ADAMTS9: variants seen among roughly 807,000 people sequenced by gnomAD.
ADAMTS9 encodes ADAM metallopeptidase with thrombospondin type 1 motif 9, also known as A disintegrin and metalloproteinase with thrombospondin motifs 9.
ADAMTS9 carries 107 observed loss-of-function variants against 257.1 expected under a neutral mutation model. That is an observed-to-expected ratio of 0.42 (90% CI 0.36 to 0.49). ADAMTS9 has a LOEUF of 0.49. Among genes scored for constraint, ADAMTS9 ranks in the 20% least tolerant of loss-of-function variants. The pLI is 0.03. For missense variants in ADAMTS9, 2,353 were observed against 2,469.1 expected (o/e 0.95, Z 1.00); for synonymous variants, 982 against 880.9 (o/e 1.11, Z -2.03).
chr3:64,522,466 G>T, intron 38 of ADAMTS9: 1 of 430,344 alleles, frequency 2.3e-6, no homozygotes, highest in South Asian at 6.0e-5. Context: ...TTTCTGTATG[G>T]CTTGCAAGCT....
chr3:64,550,137 TATAATCATGCTATG>T (rs1426920326), intron 31 of ADAMTS9: 3 of 152,190 alleles, frequency 2.0e-5, no homozygotes, highest in Non-Finnish European at 4.4e-5. Flanking sequence ...TTGAAAATAA[TATAATCATGCTATG>T]ATTACTACTG....
At chr3:64,608,807 C>A (rs4688488) in intron 22 of ADAMTS9, among the ~76,000 whole-genome samples, 42,644 of 151,234 alleles carry the variant, frequency 0.28, 7,989 homozygotes, top group East Asian at 0.55. Flanking sequence ...ATTACCCTAA[C>A]ACCATAGCCG....
At chr3:64,621,068 ACT>A (rs748773487) in intron 19 of ADAMTS9, 44 bp downstream of exon 19, 8 of 1,554,544 alleles carry the variant, frequency 5.1e-6, no homozygotes, top group Non-Finnish European at 7.0e-6. Flanking sequence ...CTCCTGCAAG[ACT>A]CTCACAATTC....
chr3:64,607,711 T>G (rs1362239278), intron 22 of ADAMTS9, among the ~76,000 whole-genome samples: 1 of 152,148 alleles, frequency 6.6e-6, no homozygotes, highest in Non-Finnish European at 1.5e-5. Context: ...ACTGTTAAGC[T>G]GGCAAAAACT....
At chr3:64,567,123 T>G (rs995595824) in intron 29 of ADAMTS9, among the ~76,000 whole-genome samples, 2 of 152,224 alleles carry the variant, frequency 1.3e-5, no homozygotes, top group Non-Finnish European at 2.9e-5. Context: ...AGGGCAGTGA[T>G]GCCAGATCAG....
chr3:64,564,643 G>A (rs1455930779), intron 29 of ADAMTS9, among the ~76,000 whole-genome samples: 2 of 151,814 alleles, frequency 1.3e-5, no homozygotes, highest in Admixed American at 6.6e-5. Flanking sequence ...CGTGTGCATT[G>A]TAGAAAGTTT....
intron 39 of ADAMTS9, among the ~76,000 whole-genome samples, chr3:64,517,397 GC>G (rs150461484): frequency 0.016 from 1,637 of 104,348 alleles, 36 homozygotes; most frequent in African/African-American, 0.048. Flanking sequence ...AAACCATCAA[GC>G]CCAGCTAATT....
At chr3:64,616,230 A>T in intron 19 of ADAMTS9, 60 bp from the exon 20 acceptor site, 2 of 1,549,394 alleles carry the variant, frequency 1.3e-6, no homozygotes. Flanking sequence ...CCTTATCTAT[A>T]GTCAACTGGT....
chr3:64,578,289 TA>T (rs59527905), intron 28 of ADAMTS9, among the ~76,000 whole-genome samples: 18,491 of 141,936 alleles, frequency 0.13, 1,258 homozygotes, highest in East Asian at 0.26. Flanking sequence ...TTCCTTTGGT[TA>T]AAAAAAAAAA....
chr3:64,603,755 C>T, intron 25 of ADAMTS9, among the ~76,000 whole-genome samples, 167 bp downstream of exon 25: 1 of 152,208 alleles, frequency 6.6e-6, no homozygotes, highest in Non-Finnish European at 1.5e-5. Context: ...TCCTTGCACA[C>T]TTGGCCAACT....
chr3:64,589,830 T>G (rs538849067), intron 28 of ADAMTS9: 3 of 152,208 alleles, frequency 2.0e-5, no homozygotes, highest in Non-Finnish European at 4.4e-5. Context: ...GTTGTAGTAT[T>G]TTATTTTCCT....
rs1282778411 is a variant in ADAMTS9, at chr3:64,658,661, A to G, written c.810T>C (p.Gly270=). ...GLATEAFSAY[G]NKTDNTREKR... ...TTTCTCTTGTGTTGTCCGTCTTATT[A>G]CCATAAGCAGAAAATGCCTCTGTTG... is the stretch of plus-strand genomic sequence containing the variant. The change falls in exon 4 of 40, where the codon GGT becomes GGC. Residue 270 remains glycine (G), a synonymous_variant. Transcript: ENST00000498707. 2 of 1,613,804 alleles carry G rather than the reference A, an allele frequency of 1.2e-6. No homozygotes were observed. The highest frequency in any genetic ancestry group is 1.7e-6 in the Non-Finnish European group (2 of 1,180,000).
At chr3:64,518,213 AG>A (rs2082804557) in intron 39 of ADAMTS9, among the ~76,000 whole-genome samples, 1 of 152,204 alleles carries the variant, frequency 6.6e-6, no homozygotes, top group Non-Finnish European at 1.5e-5. Flanking sequence ...TTCTGGATCT[AG>A]CCATGCCTGA....
In ADAMTS9 at chr3:64,541,611, G is replaced by A. The variant is rs772929869; in HGVS notation, c.5207C>T (p.Pro1736Leu). The A allele has an allele frequency of 2.5e-6, 4 of 1,613,398 alleles. No homozygotes were observed. In the African/African-American group the frequency reaches 4.0e-5, roughly 16 times the overall value. ...TCTTTTTACCTCCTTGCAATTCTGG[G>A]GTAACTCACCTAGAAAACACCAATC... The part of the protein sequence containing the change: ...TCRNVYNCEL[P>L]QNCKEVKRLK... The change falls in exon 34 of 40, where the codon CCC (proline) becomes CTC (leucine). Residue 1736 changes from proline (P) to leucine (L), a missense_variant. By Grantham distance (98) the Pro-to-Leu change is moderately conservative. This residue lies in a region of ADAMTS9 where 1,402 missense variants were observed against 1,441.4 expected (regional missense o/e 0.97). Transcript: ENST00000498707.
In ADAMTS9 at chr3:64,579,470, C is replaced by T. The variant is rs565125527; in HGVS notation, c.4357-10935G>A. On this transcript the variant is annotated intron_variant, in intron 28 of 39. Transcript: ENST00000498707. Reference sequence around the variant, plus strand: ...ATTTATTTTTATCTATGGCAACTGCCGTCTTCTTTCATAATATATATTTGA... The same window carrying T: ...ATTTATTTTTATCTATGGCAACTGCTGTCTTCTTTCATAATATATATTTGA... Among the ~76,000 whole-genome samples the T allele has an allele frequency of 3.9e-5, 6 of 152,080 alleles. No individual in the cohort carries two copies. The East Asian group carries it at 7.7e-4, about 20-fold the overall frequency.
At chr3:64,552,327 C>T (rs1394831681) in intron 30 of ADAMTS9, among the ~76,000 whole-genome samples, 1 of 152,144 alleles carries the variant, frequency 6.6e-6, no homozygotes, top group Non-Finnish European at 1.5e-5. Flanking sequence ...CCAAACCCCA[C>T]CCCTGAAGTT....
chr3:64,615,258 A>C, intron 21 of ADAMTS9, 63 bp downstream of exon 21: 1 of 1,563,932 alleles, frequency 6.4e-7, no homozygotes, highest in Non-Finnish European at 8.7e-7. Context: ...TTAAACAGAT[A>C]GAGAGCACCA....
intron 22 of ADAMTS9, among the ~76,000 whole-genome samples, chr3:64,611,680 C>T (rs932683807): frequency 6.6e-6 from 1 of 152,130 alleles, no homozygotes; most frequent in Non-Finnish European, 1.5e-5. Flanking sequence ...ATACGGTTTG[C>T]ACTCCTGAGA....
intron 38 of ADAMTS9, among the ~76,000 whole-genome samples, chr3:64,524,852 T>C (rs1456947791): frequency 6.6e-6 from 1 of 152,232 alleles, no homozygotes; most frequent in African/African-American, 2.4e-5. Flanking sequence ...TTTCTTTTTG[T>C]TATTCTTCTG....
Sources: allele counts gnomAD v4.1 joint callset (sites outside exome capture counted in the v4.1 genomes callset), GRCh38; gene constraint gnomAD v4.1.1; regional missense constraint gnomAD v4.1.1; transcripts MANE v1.5; gene names NCBI Gene and HGNC (gene_info 2026-07-23, HGNC 2026-07-21).